MAML2: variants seen among roughly 807,000 people sequenced by gnomAD.
The protein encoded by MAML2 is mastermind like transcriptional coactivator 2.
MAML2 carries 22 observed loss-of-function variants against 96.1 expected under a neutral mutation model. That is an observed-to-expected ratio of 0.23 (90% confidence interval 0.16 to 0.33). MAML2 has a LOEUF of 0.33. Ranked by LOEUF, MAML2 falls within the 10% of genes least tolerant of loss-of-function variation. MAML2 has a pLI of 1.00. For synonymous variants in MAML2, 561 were observed against 521.3 expected, an observed-to-expected ratio of 1.08 and a Z score of -1.04; for missense variants, 1,367 against 1,392.4, an observed-to-expected ratio of 0.98 and a Z score of 0.29.
At chr11:96,217,507 C>T (rs879166593) in intron 1 of MAML2, among the ~76,000 whole-genome samples, 8 of 152,302 alleles carry the variant, frequency 5.3e-5, no homozygotes, top group African/African-American at 1.9e-4. Context: ...ATAATTTATT[C>T]GAGCATCTTC....
intron 2 of MAML2, among the ~76,000 whole-genome samples, chr11:95,995,584 A>C (rs1344101596): frequency 6.6e-6 from 1 of 152,016 alleles, no homozygotes; most frequent in African/African-American, 2.4e-5. Flanking sequence ...CACTTTAACT[A>C]TTATTATTTT....
intron 1 of MAML2, among the ~76,000 whole-genome samples, chr11:96,319,657 T>C (rs1050227341): frequency 6.6e-6 from 1 of 152,258 alleles, no homozygotes; most frequent in Admixed American, 6.5e-5. Flanking sequence ...ATAGGTACAA[T>C]AGGGCCCAGA....
intron 1 of MAML2, among the ~76,000 whole-genome samples, chr11:96,298,961 C>T (rs1472236927): frequency 7.0e-6 from 1 of 143,866 alleles, no homozygotes; most frequent in Non-Finnish European, 1.5e-5. Context: ...AGGAGAATGG[C>T]GTGAACCCGG....
At chr11:96,306,438 C>T (rs1863463012) in intron 1 of MAML2, among the ~76,000 whole-genome samples, 1 of 152,132 alleles carries the variant, frequency 6.6e-6, no homozygotes, top group African/African-American at 2.4e-5. Flanking sequence ...AACCTAGCTC[C>T]CTTTGTGACT....
intron 1 of MAML2, among the ~76,000 whole-genome samples, chr11:96,166,445 T>C (rs1366192529): frequency 6.6e-6 from 1 of 152,224 alleles, no homozygotes; most frequent in Non-Finnish European, 1.5e-5. Context: ...TTTCTTATTG[T>C]TTCTGCTCTG....
chr11:96,014,628 G>T (rs926506258), intron 2 of MAML2, among the ~76,000 whole-genome samples: 5 of 152,172 alleles, frequency 3.3e-5, no homozygotes, highest in Non-Finnish European at 2.9e-5. Flanking sequence ...TGTTATCTCT[G>T]CAGTTAGGGT....
At chr11:96,166,627 G>GT (rs1273786231) in intron 1 of MAML2, among the ~76,000 whole-genome samples, 10 of 152,188 alleles carry the variant, frequency 6.6e-5, no homozygotes, top group African/African-American at 9.7e-5. Context: ...GCATTCTGAG[G>GT]TTCGCTGGCA....
At chr11:96,321,951 T>G (rs779586292) in intron 1 of MAML2, among the ~76,000 whole-genome samples, 11 of 152,156 alleles carry the variant, frequency 7.2e-5, no homozygotes, top group Non-Finnish European at 1.5e-4. Flanking sequence ...GGCCGAGTTT[T>G]TTGTTGTTGT....
At chr11:96,023,737 A>T (rs1225139980) in intron 2 of MAML2, among the ~76,000 whole-genome samples, 1 of 152,178 alleles carries the variant, frequency 6.6e-6, no homozygotes, top group Non-Finnish European at 1.5e-5. Context: ...CAAGTAGTTC[A>T]CATCTCGAAC....
intron 1 of MAML2, among the ~76,000 whole-genome samples, chr11:96,174,808 G>C (rs894315504): frequency 6.6e-6 from 1 of 152,258 alleles, no homozygotes. Flanking sequence ...TTGTTAACCT[G>C]CAATAAATGC....
intron 2 of MAML2, among the ~76,000 whole-genome samples, chr11:96,025,344 G>T (rs1858499209): frequency 6.6e-6 from 1 of 152,152 alleles, no homozygotes; most frequent in East Asian, 1.9e-4. Flanking sequence ...TAGGAGCTAA[G>T]CATTGGGTAC....
At chr11:96,030,025 C>T (rs184091912) in intron 2 of MAML2, among the ~76,000 whole-genome samples, 8 of 152,142 alleles carry the variant, frequency 5.3e-5, no homozygotes, top group South Asian at 2.1e-4. Flanking sequence ...CGAGGTCAGA[C>T]GTTCGAGACC....
intron 1 of MAML2, among the ~76,000 whole-genome samples, chr11:96,259,003 G>A (rs957792393): frequency 3.3e-5 from 5 of 152,064 alleles, no homozygotes; most frequent in South Asian, 2.1e-4. Context: ...GATTTTTTAC[G>A]AAAACACTAA....
rs187413922 is a variant in MAML2 at position 95,997,037 on chromosome 11, T to C, written c.2140-5314A>G. ...TCCATCTAGGTAGTCTTTCACATAA[T>C]AGAAAACCCAGTTTTCTAGACAAAC... On this transcript the variant is annotated intron_variant, in intron 2 of 4. Coordinates refer to ENST00000524717, the MANE Select transcript of MAML2 (RefSeq NM_032427.4). Among the ~76,000 whole-genome samples, 5 of 152,294 alleles carry C rather than the reference T, an allele frequency of 3.3e-5. 1 individual carries two copies. In the East Asian group the frequency reaches 9.6e-4, roughly 29 times the overall value.
Position 96,341,848 on chromosome 11 carries a change from C to A in MAML2, c.48G>T (p.Gly16=), listed in dbSNP as rs767623645. The A allele has an allele frequency of 9.0e-6, 14 of 1,561,172 alleles. No individual in the cohort carries two copies. The highest frequency in any genetic ancestry group is 1.2e-5 in the Non-Finnish European group (14 of 1,157,192). ...PPQAPAGGLG[G]ASGAGLLGGG... ...CTCCAAGGAGCCCCGCCCCAGAGGCCCCCCCTAGCCCTCCTGCGGGGGCCT... is the reference window on the plus strand; with the variant it reads ...CTCCAAGGAGCCCCGCCCCAGAGGCACCCCCTAGCCCTCCTGCGGGGGCCT... The change falls in exon 1 of 5, where the codon GGG becomes GGT. Residue 16 remains glycine, a synonymous_variant. Transcript: ENST00000524717.
intron 1 of MAML2, among the ~76,000 whole-genome samples, chr11:96,335,359 A>G (rs545247232): frequency 5.9e-5 from 9 of 152,238 alleles, no homozygotes; most frequent in Admixed American, 4.6e-4. Context: ...ACACATCAAG[A>G]GAGTATAAAC....
intron 2 of MAML2, among the ~76,000 whole-genome samples, chr11:96,068,073 C>T (rs1859272334): frequency 6.6e-6 from 1 of 152,266 alleles, no homozygotes; most frequent in East Asian, 1.9e-4. Context: ...ATTTCTGGTT[C>T]AACAAGTTTT....
intron 1 of MAML2, among the ~76,000 whole-genome samples, chr11:96,199,095 G>C (rs1861774776): frequency 1.3e-5 from 2 of 151,374 alleles, no homozygotes; most frequent in Admixed American, 1.3e-4. Context: ...CTACTTAGGA[G>C]GCTGAGATGG....
chr11:96,312,022 C>T (rs1863548512), intron 1 of MAML2, among the ~76,000 whole-genome samples: 1 of 151,962 alleles, frequency 6.6e-6, no homozygotes, highest in African/African-American at 2.4e-5. Context: ...AGGTTCAAAA[C>T]CAGCCTGGCC....
Sources: allele counts gnomAD v4.1 joint callset (sites outside exome capture counted in the v4.1 genomes callset), GRCh38; gene constraint gnomAD v4.1.1; transcripts MANE v1.5; gene names NCBI Gene and HGNC (gene_info 2026-07-23, HGNC 2026-07-21).